VAPA: variants seen among roughly 807,000 people sequenced by gnomAD.
The protein encoded by VAPA is vesicle-associated membrane protein-associated protein A.
Under a neutral mutation model 25.6 loss-of-function variants are expected in VAPA, and 6 were observed. The observed-to-expected ratio is 0.23, with a 90% CI of 0.13 to 0.46. The LOEUF is 0.46. Among genes scored for constraint, VAPA ranks in the 20% least tolerant of loss-of-function variants. The pLI, the probability that VAPA is intolerant of heterozygous loss-of-function variation, is 0.99. For missense variants in VAPA, 244 were observed against 302.1 expected (o/e 0.81, Z 1.43); for synonymous variants, 112 against 106.2 (o/e 1.05, Z -0.34).
At chr18:9,924,028 C>T (rs989456117) in intron 1 of VAPA, 3 of 152,834 alleles carry the variant, frequency 2.0e-5, no homozygotes, top group East Asian at 1.9e-4. Flanking sequence ...AAAAATTACT[C>T]AATCTCACAA....
chr18:9,949,825 C>T (rs29115), intron 4 of VAPA: 9,010 of 152,768 alleles, frequency 0.059, 299 homozygotes, highest in South Asian at 0.14. Context: ...TCAAAGCATG[C>T]TAAGTGCTCC....
chr18:9,918,894 A>G (rs1190667881), intron 1 of VAPA, among the ~76,000 whole-genome samples: 1 of 152,152 alleles, frequency 6.6e-6, no homozygotes, highest in African/African-American at 2.4e-5. Flanking sequence ...TCTTCTTCCC[A>G]TATTTTTTAT....
chr18:9,931,818 A>G lies in VAPA; in HGVS notation c.88A>G (p.Thr30Ala). ...PTDLKFKGPF[T>A]DVVTTNLKLR... ...ATTTTTAAACTTTACAGGCCCCTTC[A>G]CAGATGTAGTCACTACAAATCTTAA... Residue 30 changes from threonine (T) to alanine (A), a missense_variant, in exon 2 of 6, where the codon ACA becomes GCA. By Grantham distance (58) the Thr-to-Ala change is moderately conservative. This residue lies in a region of VAPA where 99 missense variants were observed against 161.6 expected (regional missense o/e 0.61). Coordinates refer to ENST00000400000, the MANE Select transcript of VAPA (RefSeq NM_194434.3). 1 of 1,609,918 alleles carries G rather than the reference A, an allele frequency of 6.2e-7. No homozygotes were observed. The highest frequency in any genetic ancestry group is 8.5e-7 in the Non-Finnish European group (1 of 1,178,782).
At chr18:9,940,829 G>T (rs2069359913) in intron 4 of VAPA, among the ~76,000 whole-genome samples, 1 of 152,176 alleles carries the variant, frequency 6.6e-6, no homozygotes, top group African/African-American at 2.4e-5. Flanking sequence ...GAGACTTAAA[G>T]ATTGTAATAT....
At chr18:9,927,477 T>C (rs1295895431) in intron 1 of VAPA, among the ~76,000 whole-genome samples, 1 of 150,814 alleles carries the variant, frequency 6.6e-6, no homozygotes, top group African/African-American at 2.4e-5. Flanking sequence ...AGTGGTTCTT[T>C]TTTTTTTTTT....
At chr18:9,953,979 T>C (rs2069515994) in intron 5 of VAPA, 74 bp from the exon 6 acceptor site, 2 of 1,576,630 alleles carry the variant, frequency 1.3e-6, no homozygotes, top group East Asian at 2.2e-5. Context: ...TCCGTCCCTA[T>C]AGATTTTTAG....
In VAPA at chr18:9,959,112, C is replaced by T. The variant is rs1045359114; in HGVS notation, c.*4901C>T. On this transcript the variant is annotated 3_prime_UTR_variant, in exon 6 of 6. Transcript: ENST00000400000. The stretch of plus-strand genomic sequence containing the variant: ...GACGGGTTTAGACAGGTTCAATTAG[C>T]TCAAGTCTACACAGCTGAAGTAGCA... 3 of 152,108 alleles carry T rather than the reference C, an allele frequency of 2.0e-5. No individual in the cohort carries two copies. Among genetic ancestry groups the T allele is most frequent in the African/African-American group, 7.2e-5 (3 of 41,422 alleles). The allele number at this position is 152,108 out of a possible 1,614,324, so 9.4% of individuals were successfully genotyped here. A position where few individuals can be genotyped will look rare whatever the true frequency, so the allele number is the denominator to read the frequency against.
At chr18:9,921,567 TG>T (rs1254249670) in intron 1 of VAPA, among the ~76,000 whole-genome samples, 1 of 152,196 alleles carries the variant, frequency 6.6e-6, no homozygotes, top group East Asian at 1.9e-4. Context: ...GATAGTAAAA[TG>T]GTTACTATAG....
At chr18:9,939,074 A>G (rs2069340082) in intron 4 of VAPA, among the ~76,000 whole-genome samples, 1 of 152,220 alleles carries the variant, frequency 6.6e-6, no homozygotes, top group African/African-American at 2.4e-5. Context: ...CTTAATATCA[A>G]GCTGTCCAGA....
chr18:9,929,544 C>G (rs1165411989), intron 1 of VAPA, among the ~76,000 whole-genome samples: 4 of 152,010 alleles, frequency 2.6e-5, no homozygotes, highest in African/African-American at 9.7e-5. Context: ...GAATATTTAC[C>G]TATGTATGTT....
chr18:9,940,501 G>A (rs747876859), intron 4 of VAPA, among the ~76,000 whole-genome samples: 5 of 152,096 alleles, frequency 3.3e-5, no homozygotes, highest in Admixed American at 2.6e-4. Flanking sequence ...TCACTTGAAG[G>A]TGCTTCTTCA....
At chr18:9,952,135 A>G (rs1226433590) in intron 5 of VAPA, among the ~76,000 whole-genome samples, 2 of 152,196 alleles carry the variant, frequency 1.3e-5, no homozygotes, top group African/African-American at 4.8e-5. Flanking sequence ...AATGACATAG[A>G]TGGGGCAGGG....
intron 4 of VAPA, chr18:9,945,116 T>C: frequency 7.6e-6 from 12 of 1,568,858 alleles, no homozygotes; most frequent in Non-Finnish European, 1.0e-5. Flanking sequence ...GTTAAGTTAA[T>C]GTAGATACCT....
intron 2 of VAPA, among the ~76,000 whole-genome samples, chr18:9,932,758 G>GTAA (rs2069268663): frequency 6.6e-6 from 1 of 152,166 alleles, no homozygotes; most frequent in Non-Finnish European, 1.5e-5. Flanking sequence ...ACAGGGAGCA[G>GTAA]GAACACACAT....
At chr18:9,936,241 G>T in intron 3 of VAPA, 28 bp downstream of exon 3, 1 of 1,483,048 alleles carries the variant, frequency 6.7e-7, no homozygotes, top group African/African-American at 1.4e-5. Context: ...ATTTGTTTTG[G>T]GAAGTGGAGT....
At chr18:9,931,365 A>G (rs1052363336) in intron 1 of VAPA, among the ~76,000 whole-genome samples, 2 of 152,238 alleles carry the variant, frequency 1.3e-5, no homozygotes, top group Non-Finnish European at 2.9e-5. Context: ...AACAAAATTG[A>G]GGTGAAGCAA....
At chr18:9,947,013 C>T (rs80007804) in intron 4 of VAPA, among the ~76,000 whole-genome samples, 3,382 of 152,124 alleles carry the variant, frequency 0.022, 154 homozygotes, top group African/African-American at 0.077. Flanking sequence ...TGCACAGGGG[C>T]GGGATCATCA....
At chr18:9,914,474 C>T (rs966834332) in intron 1 of VAPA, 139 bp downstream of exon 1, 17 of 676,710 alleles carry the variant, frequency 2.5e-5, no homozygotes, top group African/African-American at 1.7e-4. Flanking sequence ...TTCCCTTTCC[C>T]GGCTGCTTTC....
chr18:9,916,043 C>G (rs367675581), intron 1 of VAPA, among the ~76,000 whole-genome samples: 5 of 152,126 alleles, frequency 3.3e-5, no homozygotes, highest in South Asian at 2.1e-4. Flanking sequence ...TGAACATTTC[C>G]TCTACTGGAT....
Sources: allele counts gnomAD v4.1 joint callset (sites outside exome capture counted in the v4.1 genomes callset), GRCh38; gene constraint gnomAD v4.1.1; regional missense constraint gnomAD v4.1.1; transcripts MANE v1.5; gene names NCBI Gene and HGNC (gene_info 2026-07-23, HGNC 2026-07-21).